The following XK variants were observed in gnomAD, a reference collection of about 807,000 sequenced individuals.
The protein encoded by XK is X-linked Kx blood group antigen, Kell and VPS13A binding protein, also known as endoplasmic reticulum membrane adapter protein XK.
In XK, 2 loss-of-function variants were observed where a neutral mutation model predicts 14.0. That is an observed-to-expected ratio of 0.14 (90% CI 0.06 to 0.45). The LOEUF is 0.45. Among genes scored for constraint, XK ranks in the 20% least tolerant of loss-of-function variants. XK has a pLI of 0.98. For synonymous variants in XK, 149 were observed against 147.5 expected (o/e 1.01, Z -0.08); for missense variants, 235 against 341.5 (o/e 0.69, Z 2.46).
At chrX:37,711,304 C>G (rs1276899339) in intron 2 of XK, among the ~76,000 whole-genome samples, 2 of 112,195 alleles carry the variant, frequency 1.8e-5, no homozygotes, top group Non-Finnish European at 3.8e-5. Flanking sequence ...AGATTCTGTG[C>G]ACGTTGCCAA....
intron 2 of XK, among the ~76,000 whole-genome samples, chrX:37,712,234 G>A (rs1376305481): frequency 1.8e-5 from 2 of 111,580 alleles, no homozygotes; most frequent in Non-Finnish European, 3.8e-5. Context: ...TGATCAGGTC[G>A]CTGCCCAGAG....
intron 2 of XK, among the ~76,000 whole-genome samples, chrX:37,698,543 CAA>C (rs35497516): frequency 0.012 from 311 of 26,979 alleles, 2 homozygotes; most frequent in African/African-American, 0.035. Context: ...GACCTTGCCT[CAA>C]AAAAAAAAAA....
chrX:37,716,026 A>G (rs936830308), intron 2 of XK, among the ~76,000 whole-genome samples: 3 of 111,649 alleles, frequency 2.7e-5, no homozygotes, highest in African/African-American at 9.8e-5. Context: ...GGGAAGACAT[A>G]TGCCTCCTAC....
rs1928088099 is a variant in XK at position 37,731,550 on chromosome X, TAG to T, written c.*3091_*3092del. 1 of 112,632 alleles carries T rather than the reference TAG, an allele frequency of 8.9e-6. No individual in the cohort carries two copies. Among genetic ancestry groups the T allele is most frequent in the African/African-American group, 3.2e-5 (1 of 31,027 alleles). 9.3% of individuals were successfully genotyped at this position (112,632 alleles called of 1,213,427 possible). On this transcript the variant is annotated 3_prime_UTR_variant, in exon 3 of 3. Transcript: ENST00000378616. ...TGTTTTTAAGTGCTATGCATATTTA[TAG>T]AGTTATTATAGTTATTCAAATCCAT... is the stretch of plus-strand genomic sequence containing the variant.
intron 2 of XK, among the ~76,000 whole-genome samples, chrX:37,709,223 A>G (rs185171111): frequency 9.0e-6 from 1 of 111,617 alleles, no homozygotes; most frequent in African/African-American, 3.3e-5. Flanking sequence ...TTACTAATAA[A>G]TTTTTCAGTA....
At chrX:37,718,199 A>G (rs782308265) in intron 2 of XK, among the ~76,000 whole-genome samples, 82 of 111,656 alleles carry the variant, frequency 7.3e-4, no homozygotes, top group Non-Finnish European at 1.3e-3. Flanking sequence ...AAAGAGTATC[A>G]GAATCCCCAA....
chrX:37,713,029 A>G lies in XK; in HGVS notation c.509-14607A>G, dbSNP rs560437682. Among the ~76,000 whole-genome samples the G allele has an allele frequency of 8.3e-4, 93 of 111,564 alleles. 2 individuals are homozygous for G. In the South Asian group the frequency reaches 0.032, roughly 38 times the overall value. ...CTTCTTATTGGTGTCTCCCCTGATG[A>G]TTGCAAGAGGACCATGTATCCATTA... On this transcript the variant is annotated intron_variant, in intron 2 of 2. Transcript: ENST00000378616.
chrX:37,694,191 G>A, intron 1 of XK, 95 bp from the exon 2 acceptor site: 1 of 1,121,048 alleles, frequency 8.9e-7, no homozygotes, highest in Non-Finnish European at 1.2e-6. Context: ...GCCAAGTCAA[G>A]GCTTTAAGAA....
At chrX:37,700,075 G>A (rs1458135021) in intron 2 of XK, among the ~76,000 whole-genome samples, 2 of 111,797 alleles carry the variant, frequency 1.8e-5, no homozygotes, top group Non-Finnish European at 3.8e-5. Context: ...GGCTTTCTGC[G>A]AGGTCAGTAT....
At chrX:37,707,570 G>C (rs1482940131) in intron 2 of XK, among the ~76,000 whole-genome samples, 2 of 110,092 alleles carry the variant, frequency 1.8e-5, no homozygotes, top group African/African-American at 6.7e-5. Flanking sequence ...CTTCTCAGAC[G>C]GGGCGGCCGG....
chrX:37,715,036 A>G (rs940146104), intron 2 of XK, among the ~76,000 whole-genome samples: 1 of 110,266 alleles, frequency 9.1e-6, no homozygotes, highest in Admixed American at 9.8e-5. Context: ...ATATATATAT[A>G]TATCTCCAAA....
chrX:37,708,171 G>T (rs1247793271), intron 2 of XK, among the ~76,000 whole-genome samples: 2 of 112,031 alleles, frequency 1.8e-5, no homozygotes, highest in African/African-American at 6.5e-5. Context: ...GTCCAGCTTC[G>T]GCTCGGCATC....
chrX:37,724,194 A>G (rs1315566393), intron 2 of XK, among the ~76,000 whole-genome samples: 1 of 111,722 alleles, frequency 9.0e-6, no homozygotes, highest in Non-Finnish European at 1.9e-5. Context: ...TAAATAGGAA[A>G]AACCTTTATT....
chrX:37,723,715 C>G lies in XK; in HGVS notation c.509-3921C>G, dbSNP rs782650440. Among the ~76,000 whole-genome samples the G allele has an allele frequency of 9.0e-5, 10 of 111,008 alleles. No homozygotes were observed. The East Asian group carries it at 2.8e-3, about 31-fold the overall frequency. ...TACCATAAATATAACAATATAAATA[C>G]TGTACATGTGTGACTACTTACCTTA... On this transcript the variant is annotated intron_variant, in intron 2 of 2. Coordinates refer to ENST00000378616, the MANE Select transcript of XK (RefSeq NM_021083.4).
In XK at chrX:37,727,616, ACT is replaced by A; in HGVS notation, c.509-13_509-12del. 2.5e-6 allele frequency: 3 copies of A among 1,182,425 alleles called. No individual in the cohort carries two copies. The highest frequency in any genetic ancestry group is 3.6e-5 in the South Asian group (2 of 56,126). On this transcript the variant is annotated intron_variant, in intron 2 of 2. Coordinates refer to ENST00000378616, the MANE Select transcript of XK (RefSeq NM_021083.4). ...CCTAGTGGAGGTGAGACTTGATGAT[ACT>A]CTCTCTTTTCTCCCCAGGTCTCCTC... is the stretch of plus-strand genomic sequence containing the variant.
At position 37,729,872 on chromosome X, in the gene XK, T is replaced by C. The variant is rs782139819; in HGVS notation, c.*1410T>C. On this transcript the variant is annotated 3_prime_UTR_variant, in exon 3 of 3. Transcript: ENST00000378616. ...ATTTATCTGGCCATTGCACTTCGGA[T>C]AATTTTCATTTTTAATTCCTCTTGG... is the stretch of plus-strand genomic sequence containing the variant. 14 of 112,005 alleles carry C rather than the reference T, an allele frequency of 1.2e-4. No homozygotes were observed. The highest frequency in any genetic ancestry group is 2.4e-4 in the Non-Finnish European group (13 of 53,174). The allele number at this position is 112,005 out of a possible 1,213,427, so 9.2% of individuals were successfully genotyped here. A position where few individuals can be genotyped will look rare whatever the true frequency, so the allele number is the denominator to read the frequency against.
At chrX:37,696,327 A>C (rs1187018601) in intron 2 of XK, among the ~76,000 whole-genome samples, 1 of 112,839 alleles carries the variant, frequency 8.9e-6, no homozygotes, top group East Asian at 2.7e-4. Flanking sequence ...ATAATTTTTC[A>C]GACATAATTC....
chrX:37,707,436 C>T (rs1395845526), intron 2 of XK, among the ~76,000 whole-genome samples: 1 of 107,975 alleles, frequency 9.3e-6, no homozygotes, highest in African/African-American at 3.4e-5. Flanking sequence ...GCAGGGGCTC[C>T]TCACTTCTCA....
chrX:37,721,433 C>G (rs1927867902), intron 2 of XK, among the ~76,000 whole-genome samples: 1 of 110,973 alleles, frequency 9.0e-6, no homozygotes, highest in African/African-American at 3.3e-5. Context: ...ATACAAATGG[C>G]CAATACCCAC....
Sources: gnomAD v4.1 joint callset for allele counts (sites outside exome capture counted in the v4.1 genomes callset) on GRCh38, gnomAD v4.1.1 for gene constraint, MANE v1.5 for transcripts, NCBI Gene and HGNC (gene_info 2026-07-23, HGNC 2026-07-21) for gene names.